Variants in ZNF730 observed in about 807,000 individuals in gnomAD.
ZNF730 encodes the protein zinc finger protein 730.
A neutral mutation model predicts 12.6 loss-of-function variants in ZNF730; 12 were observed. The ratio of observed to expected loss-of-function variants is 0.95; its 90% confidence interval spans 0.61 to 1.54. ZNF730 has a LOEUF of 1.54. Ranked by LOEUF, ZNF730 falls within the 40% of genes most tolerant of loss-of-function variation. The probability of loss-of-function intolerance (pLI) is 0.00; values close to 1 mark genes in which losing one functional copy is unlikely to be tolerated. For missense variants in ZNF730, 643 were observed against 583.5 expected (o/e 1.10, Z -1.05); for synonymous variants, 194 against 195.8 (o/e 0.99, Z 0.08).
chr19:23,136,080 G>A (rs776664796), intron 3 of ZNF730, 37 bp downstream of exon 3: 4 of 1,375,354 alleles, frequency 2.9e-6, no homozygotes, highest in South Asian at 3.5e-5. Flanking sequence ...AAACTGATAA[G>A]AGATCTATAG....
At chr19:23,107,023 G>A (rs1488696431) in intron 1 of ZNF730, among the ~76,000 whole-genome samples, 2 of 150,770 alleles carry the variant, frequency 1.3e-5, no homozygotes, top group Non-Finnish European at 2.9e-5. Flanking sequence ...ATCAAAGGGA[G>A]AATTTTAGAA....
chr19:23,116,573 C>CTTTTTTT (rs5827552), upstream of ZNF730, among the ~76,000 whole-genome samples: 9 of 86,910 alleles, frequency 1.0e-4, no homozygotes, highest in African/African-American at 2.3e-4. Flanking sequence ...CTCCCAGCTA[C>CTTTTTTT]TTTTTTTTTT....
chr19:23,082,640 C>T (rs1459574232), intron 1 of ZNF730, among the ~76,000 whole-genome samples: 4 of 152,158 alleles, frequency 2.6e-5, no homozygotes, highest in Non-Finnish European at 4.4e-5. Flanking sequence ...AGCCACAGCG[C>T]CTGGCATAAT....
intron 1 of ZNF730, among the ~76,000 whole-genome samples, chr19:23,083,597 T>G (rs542915514): frequency 8.0e-5 from 12 of 149,364 alleles, no homozygotes; most frequent in Admixed American, 6.0e-4. Context: ...TAGTGCTTGT[T>G]TTTTTTTTTT....
chr19:23,132,414 T>C (rs1009136936), intron 1 of ZNF730, among the ~76,000 whole-genome samples: 3 of 152,212 alleles, frequency 2.0e-5, no homozygotes, highest in African/African-American at 7.2e-5. Flanking sequence ...AATTCTCTAC[T>C]TGTGCTTTTC....
intron 3 of ZNF730, among the ~76,000 whole-genome samples, chr19:23,142,913 C>G (rs1185561684): frequency 6.6e-6 from 1 of 151,564 alleles, no homozygotes; most frequent in Admixed American, 6.6e-5. Flanking sequence ...CAGATATTTT[C>G]TTTGTGGTAC....
rs1055734753 is a variant in ZNF730 at position 23,146,297 on chromosome 19, A to G, written c.1253A>G (p.His418Arg). ...ISHLTTHKRI[H>R]TGEKPYKCEE... ...CACCTTACTACACATAAGAGAATTC[A>G]TACTGGAGAGAAACCCTACAAATGT... The change falls in exon 4 of 4, where the codon CAT becomes CGT. Residue 418 changes from histidine (H) to arginine (R), a missense_variant. Physicochemically the swap from His to Arg is conservative, Grantham distance 29. Coordinates refer to ENST00000597761, the MANE Select transcript of ZNF730 (RefSeq NM_001277403.2). 14 of 1,613,596 alleles carry G rather than the reference A, an allele frequency of 8.7e-6. No homozygotes were observed. The highest frequency in any genetic ancestry group is 1.1e-5 in the Non-Finnish European group (13 of 1,179,724).
At chr19:23,075,723 T>A (rs921699404) in intron 1 of ZNF730, among the ~76,000 whole-genome samples, 1 of 152,038 alleles carries the variant, frequency 6.6e-6, no homozygotes, top group South Asian at 2.1e-4. Flanking sequence ...CCCGTGGGGT[T>A]CCCAAGCTTT....
intron 1 of ZNF730, among the ~76,000 whole-genome samples, chr19:23,103,997 A>G (rs1287193883): frequency 2.0e-5 from 3 of 152,052 alleles, no homozygotes; most frequent in African/African-American, 7.2e-5. Context: ...AGATTGTGAC[A>G]TTGGAATAAA....
intron 3 of ZNF730, among the ~76,000 whole-genome samples, chr19:23,142,557 GGGCGCCTGTAGTCCC>G (rs1970937378): frequency 6.6e-6 from 1 of 151,492 alleles, no homozygotes; most frequent in Non-Finnish European, 1.5e-5. Context: ...GTATGGTGGC[GGGCGCCTGTAGTCCC>G]AGCTACTTGG....
intron 1 of ZNF730, among the ~76,000 whole-genome samples, chr19:23,128,793 G>C (rs528358912): frequency 6.6e-6 from 1 of 152,282 alleles, no homozygotes; most frequent in South Asian, 2.1e-4. Flanking sequence ...AATGTTTCCA[G>C]TTCATGACAG....
chr19:23,127,253 C>G (rs1276390033), intron 1 of ZNF730: 1 of 655,704 alleles, frequency 1.5e-6, no homozygotes, highest in African/African-American at 1.8e-5. Flanking sequence ...TCAAGTTTCT[C>G]TTTTTATTTT....
At chr19:23,122,290 G>T (rs1351769674) in intron 1 of ZNF730, among the ~76,000 whole-genome samples, 9 of 151,846 alleles carry the variant, frequency 5.9e-5, no homozygotes, top group African/African-American at 2.2e-4. Context: ...ACAGGCTCCT[G>T]CCACCACCCT....
chr19:23,110,103 A>G (rs1043096457), intron 1 of ZNF730, among the ~76,000 whole-genome samples: 1 of 137,574 alleles, frequency 7.3e-6, no homozygotes, highest in Non-Finnish European at 1.6e-5. Flanking sequence ...AGTAGCTGAG[A>G]TTACAGGCAT....
At chr19:23,138,354 G>T (rs1970863522) in intron 3 of ZNF730, among the ~76,000 whole-genome samples, 1 of 152,102 alleles carries the variant, frequency 6.6e-6, no homozygotes, top group Admixed American at 6.5e-5. Context: ...GTCTCTGTGT[G>T]GGTTTCCATG....
At chr19:23,111,540 A>G (rs184775810) in intron 1 of ZNF730, among the ~76,000 whole-genome samples, 2 of 152,262 alleles carry the variant, frequency 1.3e-5, no homozygotes, top group Non-Finnish European at 2.9e-5. Context: ...TGAGGTCAGG[A>G]GTTCAAGACC....
intron 1 of ZNF730, among the ~76,000 whole-genome samples, chr19:23,109,285 A>C (rs895627708): frequency 4.0e-5 from 6 of 151,436 alleles, no homozygotes; most frequent in Non-Finnish European, 8.8e-5. Context: ...GCTGGAGTGC[A>C]GTGGTGCAAT....
intron 1 of ZNF730, among the ~76,000 whole-genome samples, chr19:23,129,232 T>G (rs1894368441): frequency 6.6e-6 from 1 of 152,098 alleles, no homozygotes; most frequent in Non-Finnish European, 1.5e-5. Flanking sequence ...AGTGGAGCTG[T>G]GAGAAGAGGG....
upstream of ZNF730, among the ~76,000 whole-genome samples, chr19:23,113,132 C>T (rs2145578973): frequency 6.6e-6 from 1 of 152,218 alleles, no homozygotes; most frequent in Non-Finnish European, 1.5e-5. Context: ...CTTGTAGTTG[C>T]ACATGGAGAA....
Sources: allele counts gnomAD v4.1 joint callset (sites outside exome capture counted in the v4.1 genomes callset), GRCh38; gene constraint gnomAD v4.1.1; transcripts MANE v1.5; gene names NCBI Gene and HGNC (gene_info 2026-07-23, HGNC 2026-07-21).